DLGAP2: variants seen among roughly 807,000 people sequenced by gnomAD.
The protein encoded by DLGAP2 is disks large-associated protein 2.
In DLGAP2, 26 loss-of-function variants were observed where a neutral mutation model predicts 100.3. The ratio of observed to expected loss-of-function variants is 0.26; its 90% CI spans 0.19 to 0.36. The LOEUF (loss-of-function observed/expected upper bound fraction) is 0.36. DLGAP2 is among the 10% of genes least tolerant of loss of function. DLGAP2 has a pLI of 1.00. For missense variants in DLGAP2, 1,858 were observed against 1,453.2 expected, an observed-to-expected ratio of 1.28 and a Z score of -4.53; for synonymous variants, 886 against 630.1, an observed-to-expected ratio of 1.41 and a Z score of -6.08.
intron 3 of DLGAP2, among the ~76,000 whole-genome samples, chr8:1,361,617 A>C (rs531411201): frequency 6.6e-6 from 1 of 152,242 alleles, no homozygotes. Context: ...AACTCACTGC[A>C]TCGTTTAAAC....
chr8:794,601 G>C (rs558114307), intron 1 of DLGAP2, among the ~76,000 whole-genome samples: 1 of 152,192 alleles, frequency 6.6e-6, no homozygotes, highest in Non-Finnish European at 1.5e-5. Context: ...ATGCCTTTAA[G>C]TGGTTTTCTA....
chr8:1,680,859 C>T (rs1798926906), intron 12 of DLGAP2: 1 of 152,186 alleles, frequency 6.6e-6, no homozygotes, highest in Non-Finnish European at 1.5e-5. Context: ...AACTGCATTG[C>T]CTAAGTTGAC....
chr8:1,004,032 A>G (rs1336128926), intron 2 of DLGAP2, among the ~76,000 whole-genome samples: 7 of 152,156 alleles, frequency 4.6e-5, no homozygotes, highest in African/African-American at 1.7e-4. Flanking sequence ...GTTGCCTGGC[A>G]CAAAATAATT....
intron 3 of DLGAP2, among the ~76,000 whole-genome samples, chr8:1,429,761 A>C (rs1797356236): frequency 6.6e-6 from 1 of 151,224 alleles, no homozygotes; most frequent in African/African-American, 2.4e-5. Flanking sequence ...TTCCATTTAC[A>C]CATAGAGGAT....
intron 2 of DLGAP2, among the ~76,000 whole-genome samples, chr8:1,226,292 GA>G (rs1427034647): frequency 4.6e-5 from 7 of 152,314 alleles, no homozygotes; most frequent in Admixed American, 4.6e-4. Flanking sequence ...ATGCAGCCAT[GA>G]AAAGGAATGG....
chr8:1,475,910 A>G (rs1798918774), intron 3 of DLGAP2, among the ~76,000 whole-genome samples: 1 of 152,208 alleles, frequency 6.6e-6, no homozygotes, highest in Admixed American at 6.5e-5. Flanking sequence ...TAGCTCTTCT[A>G]GGATTTCATT....
At chr8:1,659,642 T>G (rs1437756089) in intron 8 of DLGAP2, among the ~76,000 whole-genome samples, 2 of 152,216 alleles carry the variant, frequency 1.3e-5, no homozygotes, top group Admixed American at 6.5e-5. Flanking sequence ...AAAGTCTGTT[T>G]TATCAGAGAG....
In DLGAP2 at chr8:1,641,793, G is replaced by A. The variant is rs1007017298; in HGVS notation, c.1810+8747G>A. On this transcript the variant is annotated intron_variant, in intron 8 of 14. Coordinates refer to ENST00000637795, the MANE Select transcript of DLGAP2 (RefSeq NM_001346810.2). ...AAATAATTGATGCTTGCATAAGTCA[G>A]TAGGTGAATAAATTAGTCATTTCAG... 2.4e-4 allele frequency among the ~76,000 whole-genome samples: 36 copies of A among 152,264 alleles called. 1 individual carries two copies. Among genetic ancestry groups the A allele is most frequent in the African/African-American group, 8.2e-4 (34 of 41,520 alleles).
chr8:1,364,948 G>C (rs904258202), intron 3 of DLGAP2, among the ~76,000 whole-genome samples: 1 of 152,192 alleles, frequency 6.6e-6, no homozygotes, highest in East Asian at 1.9e-4. Flanking sequence ...CTTCCTCAGA[G>C]ACTGGGCACA....
At chr8:902,974 G>A (rs1201623469) in intron 1 of DLGAP2, among the ~76,000 whole-genome samples, 1 of 52,386 alleles carries the variant, frequency 1.9e-5, no homozygotes, top group African/African-American at 7.3e-5. Flanking sequence ...ACGTGTTCGG[G>A]TGGGTGGGGG....
intron 4 of DLGAP2, among the ~76,000 whole-genome samples, chr8:1,533,825 C>T (rs1161255291): frequency 6.6e-6 from 1 of 152,142 alleles, no homozygotes; most frequent in Non-Finnish European, 1.5e-5. Flanking sequence ...GGCACAGCGG[C>T]CTGAGCCTGT....
rs112486581 is a variant in DLGAP2, at chr8:931,605, C to T, written c.73+23639C>T. ...GGCTCCCGGGAAGCTTGGTTCCTTA[C>T]TTCCATTTGAATTTCATTTGTTCTC... On this transcript the variant is annotated intron_variant, in intron 2 of 14. Transcript: ENST00000637795. Among the ~76,000 whole-genome samples the T allele has an allele frequency of 4.8e-3, 737 of 152,164 alleles. 6 individuals are homozygous for T. The highest frequency in any genetic ancestry group is 0.017 in the African/African-American group (702 of 41,524).
intron 2 of DLGAP2, among the ~76,000 whole-genome samples, chr8:1,089,869 A>G (rs1804113738): frequency 6.6e-6 from 1 of 152,216 alleles, no homozygotes; most frequent in South Asian, 2.1e-4. Flanking sequence ...TTGGAGACAC[A>G]TGTGACAGTT....
intron 4 of DLGAP2, among the ~76,000 whole-genome samples, chr8:1,513,096 C>G (rs1167258830): frequency 9.1e-6 from 1 of 110,428 alleles, no homozygotes; most frequent in African/African-American, 3.6e-5. Context: ...CAGTGCAGGG[C>G]AAGACGGGAG....
chr8:1,367,476 G>A (rs1243165628), intron 3 of DLGAP2, among the ~76,000 whole-genome samples: 1 of 152,220 alleles, frequency 6.6e-6, no homozygotes, highest in African/African-American at 2.4e-5. Context: ...CCCAAGCCCA[G>A]CACGTGCCTG....
chr8:1,686,784 G>C (rs568786946), intron 12 of DLGAP2, among the ~76,000 whole-genome samples: 1 of 152,126 alleles, frequency 6.6e-6, no homozygotes, highest in African/African-American at 2.4e-5. Flanking sequence ...AATACAGTTA[G>C]GTGGAAGAAA....
chr8:1,506,422 C>T (rs1021088258), intron 4 of DLGAP2, among the ~76,000 whole-genome samples: 27 of 152,106 alleles, frequency 1.8e-4, no homozygotes, highest in Non-Finnish European at 3.4e-4. Flanking sequence ...AATGTTCAGA[C>T]GTTTTTGGAG....
intron 2 of DLGAP2, among the ~76,000 whole-genome samples, chr8:989,546 A>T (rs1006076299): frequency 6.6e-6 from 1 of 151,974 alleles, no homozygotes; most frequent in Non-Finnish European, 1.5e-5. Context: ...CTCACATGTC[A>T]TGTGTGATTG....
chr8:1,276,530 G>A (rs7000219), intron 3 of DLGAP2, among the ~76,000 whole-genome samples: 84,257 of 151,832 alleles, frequency 0.55, 23,469 homozygotes, highest in Middle Eastern at 0.66. Context: ...TTCGGCCTTT[G>A]CTTTACCCTG....
Sources: gnomAD v4.1 joint callset for allele counts (sites outside exome capture counted in the v4.1 genomes callset) on GRCh38, gnomAD v4.1.1 for gene constraint, MANE v1.5 for transcripts, NCBI Gene and HGNC (gene_info 2026-07-23, HGNC 2026-07-21) for gene names.